HERC1: variants seen among roughly 807,000 people sequenced by gnomAD.
HERC1 encodes the protein probable E3 ubiquitin-protein ligase HERC1.
HERC1 carries 160 observed loss-of-function variants against 554.3 expected under a neutral mutation model. The observed-to-expected ratio is 0.29, with a 90% confidence interval of 0.25 to 0.33. The LOEUF (loss-of-function observed/expected upper bound fraction) is 0.33. HERC1 is among the 10% of genes least tolerant of loss of function. HERC1 has a pLI of 1.00. For synonymous variants in HERC1, 2,175 were observed against 2,131.7 expected (o/e 1.02, Z -0.56); for missense variants, 4,919 against 5,918.5 (o/e 0.83, Z 5.54).
chr15:63,670,277 G>A (rs946965047), intron 39 of HERC1, among the ~76,000 whole-genome samples: 2 of 152,224 alleles, frequency 1.3e-5, no homozygotes, highest in East Asian at 3.8e-4. Context: ...CTTCTCCGAT[G>A]AGAATGTGGA....
intron 34 of HERC1, among the ~76,000 whole-genome samples, chr15:63,686,013 C>G (rs572937435): frequency 6.6e-6 from 1 of 152,312 alleles, no homozygotes; most frequent in East Asian, 1.9e-4. Context: ...ATTGTGGGCA[C>G]TGAATCTCTA....
intron 1 of HERC1, among the ~76,000 whole-genome samples, chr15:63,798,329 G>C (rs1186451637): frequency 6.6e-6 from 1 of 152,048 alleles, no homozygotes; most frequent in Non-Finnish European, 1.5e-5. Context: ...ACCAGTTAAA[G>C]ACTAATTACT....
chr15:63,739,919 T>C (rs2074724849), intron 12 of HERC1, among the ~76,000 whole-genome samples: 1 of 148,190 alleles, frequency 6.7e-6, no homozygotes, highest in African/African-American at 2.6e-5. Flanking sequence ...TATTTTATTT[T>C]TTTTTTTTTC....
rs1239881900 is a variant in HERC1 at position 63,727,996 on chromosome 15, T to C, written c.3155-158A>G. On this transcript the variant is annotated intron_variant, in intron 16 of 77. Coordinates refer to ENST00000443617, the MANE Select transcript of HERC1 (RefSeq NM_003922.4). The surrounding 1 kb of genome is among the most constrained non-coding windows in gnomAD (Gnocchi z 4.3). The stretch of plus-strand genomic sequence containing the variant: ...GTAGCTGATGTAGTATCAGTGTTTA[T>C]TCACTTTCAGAAAGTACCACCAACA... Among the ~76,000 whole-genome samples the C allele has an allele frequency of 6.6e-6, 1 of 152,252 alleles. No individual in the cohort carries two copies. The highest frequency in any genetic ancestry group is 2.4e-5 in the African/African-American group (1 of 41,476).
At position 63,643,475 on chromosome 15, in the gene HERC1, CAACAGTCCG is replaced by C. The variant is rs770624116; in HGVS notation, c.11251_11259del (p.Arg3751_Val3753del). 6.2e-7 allele frequency: 1 copy of C among 1,612,808 alleles called. No individual in the cohort carries two copies. The highest frequency in any genetic ancestry group is 2.2e-5 in the East Asian group (1 of 44,820). On this transcript the variant is annotated inframe_deletion, in exon 58 of 78. Coordinates refer to ENST00000443617, the MANE Select transcript of HERC1 (RefSeq NM_003922.4). ...AGGGCCAACCCATCAGAACTAAAGG[CAACAGTCCG>C]AACAGGAGTGATGTGTCCCCGCAGC... is the stretch of plus-strand genomic sequence containing the variant.
intron 55 of HERC1, among the ~76,000 whole-genome samples, chr15:63,646,065 T>A (rs766530417): frequency 3.9e-5 from 6 of 152,218 alleles, no homozygotes; most frequent in Non-Finnish European, 8.8e-5. Flanking sequence ...ACCCCTTACA[T>A]CCCAATAGCA....
intron 58 of HERC1, 102 bp from the exon 59 acceptor site, chr15:63,643,160 A>C (rs2069155361): frequency 3.1e-6 from 3 of 967,054 alleles, no homozygotes; most frequent in Non-Finnish European, 4.7e-6. Context: ...TAAAGTCTAC[A>C]TTTTAGCTAA....
intron 77 of HERC1, 114 bp from the exon 78 acceptor site, chr15:63,609,380 T>C: frequency 2.2e-6 from 2 of 929,718 alleles, no homozygotes; most frequent in Non-Finnish European, 3.1e-6. Context: ...GCCACATGGT[T>C]AAGTCAAGTG....
At position 63,612,651 on chromosome 15, in the gene HERC1, G is replaced by C; in HGVS notation, c.14095-95C>G. On this transcript the variant is annotated intron_variant, in intron 76 of 77. Coordinates refer to ENST00000443617, the MANE Select transcript of HERC1 (RefSeq NM_003922.4). This position sits in a 1 kb window ranked among gnomAD's most constrained non-coding sequence, Gnocchi z 5.0. ...GCTAGGCGCCTCCTGATGCCTGCTCGTCCGCTCCCCAGACCCTCTACTTGT... is the reference window on the plus strand; with the variant it reads ...GCTAGGCGCCTCCTGATGCCTGCTCCTCCGCTCCCCAGACCCTCTACTTGT... 6 of 1,197,032 alleles carry C rather than the reference G, an allele frequency of 5.0e-6. No individual in the cohort carries two copies. The highest frequency in any genetic ancestry group is 7.0e-6 in the Non-Finnish European group (6 of 854,978). 74.2% of individuals were successfully genotyped at this position (1,197,032 alleles called of 1,614,324 possible).
intron 55 of HERC1, among the ~76,000 whole-genome samples, chr15:63,646,409 A>C (rs1211961459): frequency 6.6e-6 from 1 of 152,146 alleles, no homozygotes; most frequent in Non-Finnish European, 1.5e-5. Context: ...CCATGGTCCA[A>C]AGATTCTGTG....
At position 63,692,340 on chromosome 15, in the gene HERC1, G is replaced by C. The variant is rs948170355; in HGVS notation, c.5830+71C>G. On this transcript the variant is annotated intron_variant, in intron 31 of 77. Coordinates refer to ENST00000443617, the MANE Select transcript of HERC1 (RefSeq NM_003922.4). The surrounding 1 kb of genome is among the most constrained non-coding windows in gnomAD (Gnocchi z 4.7). ...AGGTTACACATGGAGTGTTGCTAAAGTCTGGCATTATCTTAATAAAATGCA... is the reference window on the plus strand; with the variant it reads ...AGGTTACACATGGAGTGTTGCTAAACTCTGGCATTATCTTAATAAAATGCA... The C allele has an allele frequency of 8.2e-7, 1 of 1,220,672 alleles. No individual in the cohort carries two copies. The highest frequency in any genetic ancestry group is 1.5e-5 in the African/African-American group (1 of 65,516). The allele number at this position is 1,220,672 out of a possible 1,614,324, so 75.6% of individuals were successfully genotyped here. A position where few individuals can be genotyped will look rare whatever the true frequency, so the allele number is the denominator to read the frequency against.
chr15:63,628,117 G>A lies in HERC1; in HGVS notation c.13105+560C>T, dbSNP rs183247554. Among the ~76,000 whole-genome samples the A allele has an allele frequency of 1.8e-3, 281 of 152,276 alleles. 1 individual carries two copies. The highest frequency in any genetic ancestry group is 6.2e-3 in the African/African-American group (258 of 41,536). The stretch of plus-strand genomic sequence containing the variant: ...TATATATTAAAAATACCGGCCAGGC[G>A]CTGTGGCTCATGCCTGTAATCCTAA... On this transcript the variant is annotated intron_variant, in intron 70 of 77. Coordinates refer to ENST00000443617, the MANE Select transcript of HERC1 (RefSeq NM_003922.4).
At chr15:63,648,337 G>A (rs949013118) in intron 54 of HERC1, 138 bp from the exon 55 acceptor site, 7 of 825,340 alleles carry the variant, frequency 8.5e-6, no homozygotes, top group Non-Finnish European at 1.3e-5. Flanking sequence ...AATGCATTTA[G>A]ACAAAATGTA....
Position 63,692,360 on chromosome 15 carries a change from A to G in HERC1, c.5830+51T>C. The G allele has an allele frequency of 7.1e-7, 1 of 1,401,020 alleles. No homozygotes were observed. Among genetic ancestry groups the G allele is most frequent in the Non-Finnish European group, 9.6e-7 (1 of 1,043,730 alleles). The allele number at this position is 1,401,020 out of a possible 1,614,324, so 86.8% of individuals were successfully genotyped here. A position where few individuals can be genotyped will look rare whatever the true frequency, so the allele number is the denominator to read the frequency against. ...CTAAAGTCTGGCATTATCTTAATAA[A>G]ATGCAAGTAATATCTATAAATACTC... On this transcript the variant is annotated intron_variant, in intron 31 of 77. Transcript: ENST00000443617. This position sits in a 1 kb window ranked among gnomAD's most constrained non-coding sequence, Gnocchi z 4.7.
rs751089156 is a variant in HERC1 at position 63,652,416 on chromosome 15, T to A, written c.10416A>T (p.Arg3472Ser). 9.9e-6 allele frequency: 16 copies of A among 1,612,348 alleles called. No individual in the cohort carries two copies. Among genetic ancestry groups the A allele is most frequent in the Middle Eastern group, 1.6e-4 (1 of 6,078 alleles). The change falls in exon 52 of 78, where the codon AGA (arginine) becomes AGT (serine). Residue 3472 changes from arginine (R) to serine (S), a missense_variant and splice_region_variant. By Grantham distance (110) the Arg-to-Ser change is moderately radical. Around this residue, in one of 11 missense-constraint regions of HERC1, gnomAD observed 1,963 missense variants for 2,228.6 expected, o/e 0.88. Coordinates refer to ENST00000443617, the MANE Select transcript of HERC1 (RefSeq NM_003922.4). ...ATACACGTGATGTTAGCACTCACAATCTGTTGAACACACAGGTCTGTTGCA... is the reference window on the plus strand; with the variant it reads ...ATACACGTGATGTTAGCACTCACAAACTGTTGAACACACAGGTCTGTTGCA... ...YSLQQTCVFN[R>S]LEGDAEESLG...
intron 1 of HERC1, among the ~76,000 whole-genome samples, chr15:63,790,360 C>T (rs1182953363): frequency 1.3e-5 from 2 of 152,094 alleles, no homozygotes; most frequent in African/African-American, 2.4e-5. Flanking sequence ...GGGCGGATCA[C>T]GAGGTCAGGA....
chr15:63,713,013 G>C, intron 23 of HERC1, 118 bp from the exon 24 acceptor site: 1 of 991,730 alleles, frequency 1.0e-6, no homozygotes, highest in South Asian at 1.7e-5. Flanking sequence ...AATGTCAGTT[G>C]ACAGGAAATC....
intron 39 of HERC1, among the ~76,000 whole-genome samples, chr15:63,670,557 C>A (rs567340215): frequency 6.6e-6 from 1 of 152,202 alleles, no homozygotes; most frequent in South Asian, 2.1e-4. Flanking sequence ...GAAGTCCCAG[C>A]CAATAGCAGG....
At chr15:63,744,164 GTCTCTCTCTC>G (rs71464534) in intron 12 of HERC1, among the ~76,000 whole-genome samples, 58 of 46,282 alleles carry the variant, frequency 1.3e-3, no homozygotes, top group African/African-American at 3.6e-3. Flanking sequence ...GTGTGTGTGT[GTCTCTCTCTC>G]TCTCTCTCTC....
Sources: gnomAD v4.1 joint callset for allele counts (sites outside exome capture counted in the v4.1 genomes callset) on GRCh38, gnomAD v4.1.1 for gene constraint, gnomAD v4.1.1 regional missense constraint, Gnocchi (gnomAD v3.1) non-coding constraint, MANE v1.5 for transcripts, NCBI Gene and HGNC (gene_info 2026-07-23, HGNC 2026-07-21) for gene names.